The following CDCA2 variants were observed in gnomAD, a reference collection of about 807,000 sequenced individuals.
The protein encoded by CDCA2 is cell division cycle associated 2, also known as cell division cycle-associated protein 2.
A neutral mutation model predicts 67.0 loss-of-function variants in CDCA2; 44 were observed. The observed-to-expected ratio is 0.66, with a 90% CI of 0.52 to 0.84. CDCA2 has a LOEUF of 0.84. Ranked by LOEUF, CDCA2 falls within the 40% of genes least tolerant of loss-of-function variation. The probability of loss-of-function intolerance (pLI) is 0.00; values close to 1 mark genes in which losing one functional copy is unlikely to be tolerated. For synonymous variants in CDCA2, 447 were observed against 418.7 expected (o/e 1.07, Z -0.82); for missense variants, 1,253 against 1,203.2 (o/e 1.04, Z -0.61).
chr8:25,494,331 A>G (rs1320627026), intron 13 of CDCA2, among the ~76,000 whole-genome samples: 1 of 152,216 alleles, frequency 6.6e-6, no homozygotes, highest in Non-Finnish European at 1.5e-5. Flanking sequence ...AAAAATTCAG[A>G]AAAACCCAAT....
rs1346275397 is a variant in CDCA2 at position 25,466,191 on chromosome 8, A to G, written c.404A>G (p.Tyr135Cys). Residue 135 changes from tyrosine (Y) to cysteine (C), a missense_variant, in exon 5 of 15, where the codon TAT (tyrosine) becomes TGT (cysteine). Tyr to Cys is a radical substitution (Grantham distance 194). Transcript: ENST00000330560. ...CTTTCACAGGGCAGCCCTGCACTGT[A>G]TCGAAATGTTAACACTTTAAGAGAA... ...DSPSQGSPAL[Y>C]RNVNTLRERI... 2 of 1,610,412 alleles carry G rather than the reference A, an allele frequency of 1.2e-6. No homozygotes were observed. Among genetic ancestry groups the G allele is most frequent in the South Asian group, 1.1e-5 (1 of 90,178 alleles).
Position 25,469,888 on chromosome 8 carries a change from T to C in CDCA2, c.736-8T>C. On this transcript the variant is annotated splice_polypyrimidine_tract_variant and splice_region_variant and intron_variant, in intron 6 of 14. Coordinates refer to ENST00000330560, the MANE Select transcript of CDCA2 (RefSeq NM_152562.4). ...TAAAATGTAATACTCTTTCAATTTT[T>C]CCCCAAGATATCATCTAAACTTGGT... The C allele has an allele frequency of 6.3e-7, 1 of 1,587,816 alleles. No homozygotes were observed. The highest frequency in any genetic ancestry group is 8.6e-7 in the Non-Finnish European group (1 of 1,158,568).
At chr8:25,484,257 A>T in intron 10 of CDCA2, 47 bp downstream of exon 10, 2 of 1,597,162 alleles carry the variant, frequency 1.3e-6, no homozygotes, top group Non-Finnish European at 1.7e-6. Context: ...TATTTTCATC[A>T]GGCTTCACCT....
At position 25,500,480 on chromosome 8, in the gene CDCA2, A is replaced by G. The variant is rs117083930; in HGVS notation, c.1672-2893A>G. On this transcript the variant is annotated intron_variant, in intron 13 of 14. Coordinates refer to ENST00000330560, the MANE Select transcript of CDCA2 (RefSeq NM_152562.4). Reference sequence around the variant, plus strand: ...ATATCAAAATATGGTGTTGTATGCCATACGTATATTCAATTTTTGTCAATT... The same window carrying G: ...ATATCAAAATATGGTGTTGTATGCCGTACGTATATTCAATTTTTGTCAATT... Among the ~76,000 whole-genome samples the G allele has an allele frequency of 3.2e-3, 483 of 152,234 alleles. 1 individual carries two copies. The highest frequency in any genetic ancestry group is 5.0e-3 in the Non-Finnish European group (339 of 68,002).
chr8:25,459,215 C>T (rs1586450316), upstream of CDCA2: 1 of 152,540 alleles, frequency 6.6e-6, no homozygotes, highest in East Asian at 1.9e-4. Context: ...AATCGGTCGG[C>T]GGGCGGAGGA....
intron 4 of CDCA2, among the ~76,000 whole-genome samples, chr8:25,465,405 A>G (rs1443812988): frequency 1.3e-5 from 2 of 152,200 alleles, no homozygotes; most frequent in Non-Finnish European, 2.9e-5. Context: ...AAAAATCTAG[A>G]TAGAGAACTT....
chr8:25,478,888 GTATATATATA>G (rs71511103), intron 7 of CDCA2, among the ~76,000 whole-genome samples: 5 of 111,596 alleles, frequency 4.5e-5, no homozygotes, highest in African/African-American at 2.0e-4. Context: ...TTGTGTGTGT[GTATATATATA>G]TATATATATA....
intron 7 of CDCA2, among the ~76,000 whole-genome samples, chr8:25,470,486 G>A (rs897900910): frequency 2.6e-5 from 4 of 151,914 alleles, no homozygotes; most frequent in Non-Finnish European, 4.4e-5. Flanking sequence ...GGAATATTTC[G>A]CCTATTAACT....
In CDCA2 at chr8:25,498,871, G is replaced by C. The variant is rs1804356568; in HGVS notation, c.1672-4502G>C. On this transcript the variant is annotated intron_variant, in intron 13 of 14. Coordinates refer to ENST00000330560, the MANE Select transcript of CDCA2 (RefSeq NM_152562.4). The stretch of plus-strand genomic sequence containing the variant: ...GCATAATTCTCTGGAGATTTGTCCA[G>C]GTTGTTATGTGTATCAGTAGTTCTT... Among the ~76,000 whole-genome samples the C allele has an allele frequency of 5.9e-5, 9 of 152,144 alleles. No homozygotes were observed. In the South Asian group the frequency reaches 1.9e-3, roughly 31 times the overall value.
At chr8:25,494,116 A>C (rs1804114622) in intron 13 of CDCA2, among the ~76,000 whole-genome samples, 1 of 152,180 alleles carries the variant, frequency 6.6e-6, no homozygotes, top group African/African-American at 2.4e-5. Context: ...CCAAGGGGAC[A>C]CAGATGGCCC....
intron 5 of CDCA2, among the ~76,000 whole-genome samples, chr8:25,467,702 T>C (rs1802969903): frequency 6.6e-6 from 1 of 152,234 alleles, no homozygotes; most frequent in African/African-American, 2.4e-5. Flanking sequence ...GAATGTATTA[T>C]CTTTTCAATA....
chr8:25,502,906 G>C (rs1020678386), intron 13 of CDCA2, among the ~76,000 whole-genome samples: 1 of 152,104 alleles, frequency 6.6e-6, no homozygotes, highest in African/African-American at 2.4e-5. Flanking sequence ...CCTCGATTTA[G>C]ATGCTTACAA....
chr8:25,497,506 TAAAAA>T (rs59516801), intron 13 of CDCA2, among the ~76,000 whole-genome samples: 1 of 36,148 alleles, frequency 2.8e-5, no homozygotes, highest in Non-Finnish European at 1.1e-4. Flanking sequence ...AAATAAAAAA[TAAAAA>T]AAAAAAAAAC....
intron 7 of CDCA2, among the ~76,000 whole-genome samples, chr8:25,476,720 A>AC (rs1803365768): frequency 6.6e-6 from 1 of 151,660 alleles, no homozygotes; most frequent in Non-Finnish European, 1.5e-5. Context: ...CACCCAGCTA[A>AC]TTTTTGTATT....
chr8:25,493,980 T>G (rs1034301765), intron 13 of CDCA2, among the ~76,000 whole-genome samples: 34 of 152,220 alleles, frequency 2.2e-4, no homozygotes, highest in African/African-American at 8.2e-4. Flanking sequence ...AGCAAAAGAC[T>G]AAAAGCAAAC....
chr8:25,505,407 G>T (rs975838679), intron 14 of CDCA2, among the ~76,000 whole-genome samples: 1 of 151,992 alleles, frequency 6.6e-6, no homozygotes, highest in Admixed American at 6.6e-5. Context: ...CACCATGTTG[G>T]CCAGGCTGGT....
Position 25,485,829 on chromosome 8 carries a change from C to A in CDCA2, c.1436C>A (p.Thr479Asn), listed in dbSNP as rs1310051152. 9 of 1,578,694 alleles carry A rather than the reference C, an allele frequency of 5.7e-6. No individual in the cohort carries two copies. The highest frequency in any genetic ancestry group is 5.1e-5 in the Admixed American group (3 of 58,852). ...SSPNKSSISE[T>N]LSGTDTFSSS... The stretch of plus-strand genomic sequence containing the variant: ...CCTAATAAATCATCAATCTCTGAGA[C>A]CCTTTCAGGTAGTAACTTGTTTATC... The change falls in exon 11 of 15, where the codon ACC (threonine) becomes AAC (asparagine). Residue 479 changes from threonine to asparagine, a missense_variant. Thr to Asn is a moderately conservative substitution (Grantham distance 65). Transcript: ENST00000330560.
intron 7 of CDCA2, among the ~76,000 whole-genome samples, chr8:25,476,681 G>A (rs1306572945): frequency 6.6e-6 from 1 of 151,884 alleles, no homozygotes; most frequent in African/African-American, 2.4e-5. Context: ...GCCCTCCTGA[G>A]TAGCTGGGAC....
chr8:25,486,922 A>T lies in CDCA2; in HGVS notation c.1445-324A>T, dbSNP rs1037637277. ...TAATGTCCTTTATTGCGATTTCATT[A>T]TACAAAATGTATCGTGGAATAAATG... On this transcript the variant is annotated intron_variant, in intron 11 of 14. Coordinates refer to ENST00000330560, the MANE Select transcript of CDCA2 (RefSeq NM_152562.4). 9.2e-5 allele frequency among the ~76,000 whole-genome samples: 14 copies of T among 152,230 alleles called. No homozygotes were observed. The South Asian group carries it at 2.9e-3, about 31-fold the overall frequency.
Sources: gnomAD v4.1 joint callset for allele counts (sites outside exome capture counted in the v4.1 genomes callset) on GRCh38, gnomAD v4.1.1 for gene constraint, MANE v1.5 for transcripts, NCBI Gene and HGNC (gene_info 2026-07-23, HGNC 2026-07-21) for gene names.